FER1L6: variants seen among roughly 807,000 people sequenced by gnomAD.
The protein encoded by FER1L6 is fer-1-like protein 6.
In FER1L6, 177 loss-of-function variants were observed where a neutral mutation model predicts 219.2. That is an observed-to-expected ratio of 0.81 (90% CI 0.71 to 0.91). FER1L6 has a LOEUF of 0.91. Ranked by LOEUF, FER1L6 falls within the 40% of genes least tolerant of loss-of-function variation. The probability of loss-of-function intolerance (pLI) is 0.00; values close to 1 mark genes in which losing one functional copy is unlikely to be tolerated. For synonymous variants in FER1L6, 768 were observed against 824.3 expected, an observed-to-expected ratio of 0.93 and a Z score of 1.17; for missense variants, 2,153 against 2,259.9, an observed-to-expected ratio of 0.95 and a Z score of 0.96.
At chr8:123,859,563 T>C (rs994499858) in intron 1 of FER1L6, among the ~76,000 whole-genome samples, 2 of 151,616 alleles carry the variant, frequency 1.3e-5, no homozygotes, top group Non-Finnish European at 2.9e-5. Context: ...TTTTTTTTTT[T>C]TTAATACTTT....
In FER1L6 at chr8:124,119,778, T is replaced by C; in HGVS notation, c.5562T>C (p.Val1854=). 6.2e-7 allele frequency: 1 copy of C among 1,613,942 alleles called. No homozygotes were observed. The highest frequency in any genetic ancestry group is 8.5e-7 in the Non-Finnish European group (1 of 1,179,934). The change falls in exon 41 of 41, where the codon GTT becomes GTC. Residue 1854 remains valine, a synonymous_variant. Transcript: ENST00000522917. ...TLPGAISRRI[V]VGS is the part of the protein sequence containing the mutation. ...CAGGAGCCATCAGCCGAAGGATCGT[T>C]GTGGGCTCATAGAGGATCATGGAGG...
Position 124,120,057 on chromosome 8 carries a change from T to C in FER1L6, c.*267T>C. 1 of 350,336 alleles carries C rather than the reference T, an allele frequency of 2.9e-6. No individual in the cohort carries two copies. 21.7% of individuals were successfully genotyped at this position (350,336 alleles called of 1,614,324 possible). On this transcript the variant is annotated 3_prime_UTR_variant, in exon 41 of 41. Coordinates refer to ENST00000522917, the MANE Select transcript of FER1L6 (RefSeq NM_001039112.2). Reference sequence around the variant, plus strand: ...TAATCAACAATGACCTCAAATTGACTTAGATCAATGTTTTCTTTATGTAAT... The same window carrying C: ...TAATCAACAATGACCTCAAATTGACCTAGATCAATGTTTTCTTTATGTAAT...
intron 18 of FER1L6, among the ~76,000 whole-genome samples, chr8:124,025,360 G>A (rs1211342131): frequency 6.6e-6 from 1 of 151,890 alleles, no homozygotes; most frequent in Non-Finnish European, 1.5e-5. Flanking sequence ...TTTGTATATG[G>A]TGAGAAATAG....
intron 11 of FER1L6, chr8:123,984,566 G>A (rs1271923930): frequency 1.3e-5 from 2 of 152,040 alleles, no homozygotes; most frequent in Non-Finnish European, 2.9e-5. Flanking sequence ...CCTCCTCCTA[G>A]AGAGTAAACT....
Position 124,103,176 on chromosome 8 carries a change from C to T in FER1L6, c.5156C>T (p.Pro1719Leu), listed in dbSNP as rs1168090212. 2.5e-6 allele frequency: 4 copies of T among 1,614,080 alleles called. No homozygotes were observed. The East Asian group carries it at 8.9e-5, about 36-fold the overall frequency. ...CTGGAAATGAACCTCAACAGTTTCC[C>T]TCGAGCAGCTAAGTCTGCCAAAGCC... ...GTLEMNLNSF[P>L]RAAKSAKACD... The change falls in exon 39 of 41, where the codon CCT becomes CTT. Residue 1719 changes from proline (P) to leucine (L), a missense_variant. Physicochemically the swap from Pro to Leu is moderately conservative, Grantham distance 98. Coordinates refer to ENST00000522917, the MANE Select transcript of FER1L6 (RefSeq NM_001039112.2).
Position 124,083,235 on chromosome 8 carries a change from CTGTA to C in FER1L6, c.4391+779_4391+782del, listed in dbSNP as rs371272886. Among the ~76,000 whole-genome samples, 207 of 152,200 alleles carry C rather than the reference CTGTA, an allele frequency of 1.4e-3. 1 individual carries two copies. The highest frequency in any genetic ancestry group is 4.7e-3 in the African/African-American group (194 of 41,532). On this transcript the variant is annotated intron_variant, in intron 33 of 40. Coordinates refer to ENST00000522917, the MANE Select transcript of FER1L6 (RefSeq NM_001039112.2). ...AGTTGCCCTGTTGTGCTATCAGATA[CTGTA>C]TCTTATTCTATCTAACTATATTTTT...
chr8:124,118,771 C>T, intron 39 of FER1L6, 73 bp from the exon 40 acceptor site: 1 of 1,202,930 alleles, frequency 8.3e-7, no homozygotes, highest in East Asian at 2.4e-5. Flanking sequence ...AACTTGGTAA[C>T]ACTTCTAGAA....
intron 22 of FER1L6, among the ~76,000 whole-genome samples, chr8:124,052,714 G>A (rs1367924122): frequency 6.6e-6 from 1 of 152,100 alleles, no homozygotes; most frequent in Non-Finnish European, 1.5e-5. Context: ...GAACCCAGGA[G>A]GCAGAAGTTG....
chr8:124,102,293 T>C (rs1822579440), intron 38 of FER1L6, among the ~76,000 whole-genome samples: 1 of 152,194 alleles, frequency 6.6e-6, no homozygotes, highest in Non-Finnish European at 1.5e-5. Flanking sequence ...GCTTACACAC[T>C]CAAGTGATAG....
chr8:123,919,024 G>T (rs1813277745), intron 1 of FER1L6, among the ~76,000 whole-genome samples: 1 of 152,136 alleles, frequency 6.6e-6, no homozygotes, highest in Non-Finnish European at 1.5e-5. Flanking sequence ...TGCCCCAGGG[G>T]AGGCAGTACA....
intron 20 of FER1L6, among the ~76,000 whole-genome samples, chr8:124,043,702 T>C (rs1038177245): frequency 6.6e-6 from 1 of 152,132 alleles, no homozygotes; most frequent in African/African-American, 2.4e-5. Flanking sequence ...CCACTCTCCA[T>C]ACTAACTCTC....
At chr8:123,956,617 A>C (rs1232044661) in intron 2 of FER1L6, among the ~76,000 whole-genome samples, 1 of 152,240 alleles carries the variant, frequency 6.6e-6, no homozygotes, top group Non-Finnish European at 1.5e-5. Flanking sequence ...ATGCTGCAGA[A>C]TTTGCAAGGC....
At chr8:123,887,091 T>A (rs1300722758) in intron 1 of FER1L6, among the ~76,000 whole-genome samples, 1 of 152,204 alleles carries the variant, frequency 6.6e-6, no homozygotes, top group Non-Finnish European at 1.5e-5. Context: ...TTCATCAGAT[T>A]GCTTCCTTAT....
intron 1 of FER1L6, among the ~76,000 whole-genome samples, chr8:123,929,462 C>T (rs956999730): frequency 1.3e-5 from 2 of 152,128 alleles, no homozygotes; most frequent in Non-Finnish European, 2.9e-5. Flanking sequence ...TATTTTCTTT[C>T]CAGGACACTA....
chr8:123,879,384 T>C (rs1817065008), intron 1 of FER1L6, among the ~76,000 whole-genome samples: 1 of 152,178 alleles, frequency 6.6e-6, no homozygotes, highest in Non-Finnish European at 1.5e-5. Flanking sequence ...TGGAGTGCAG[T>C]GGTGCGATCT....
intron 20 of FER1L6, among the ~76,000 whole-genome samples, chr8:124,044,461 A>G (rs1445099214): frequency 6.6e-6 from 1 of 152,238 alleles, no homozygotes; most frequent in Non-Finnish European, 1.5e-5. Context: ...TTGTGACCAC[A>G]GGGCAAATGA....
At chr8:123,983,963 T>C (rs1816438287) in intron 11 of FER1L6, among the ~76,000 whole-genome samples, 1 of 152,168 alleles carries the variant, frequency 6.6e-6, no homozygotes, top group Non-Finnish European at 1.5e-5. Context: ...AAATTCTTAA[T>C]ACCATATCTG....
intron 26 of FER1L6, 84 bp from the exon 27 acceptor site, chr8:124,066,344 G>A: frequency 6.6e-7 from 1 of 1,511,870 alleles, no homozygotes; most frequent in Non-Finnish European, 9.0e-7. Context: ...ACACCTAAAT[G>A]TTTTCTTCCT....
intron 21 of FER1L6, 114 bp downstream of exon 21, chr8:124,046,015 T>C: frequency 8.0e-7 from 1 of 1,244,186 alleles, no homozygotes; most frequent in Non-Finnish European, 1.1e-6. Flanking sequence ...GTGAGAACAC[T>C]AGATGTACCT....
Sources: allele counts gnomAD v4.1 joint callset (sites outside exome capture counted in the v4.1 genomes callset), GRCh38; gene constraint gnomAD v4.1.1; transcripts MANE v1.5; gene names NCBI Gene and HGNC (gene_info 2026-07-23, HGNC 2026-07-21).